The following BBS9 variants were observed in gnomAD, a reference collection of about 807,000 sequenced individuals.
The protein encoded by BBS9 is protein PTHB1.
A neutral mutation model predicts 117.7 loss-of-function variants in BBS9; 89 were observed. The ratio of observed to expected loss-of-function variants is 0.76; its 90% CI spans 0.64 to 0.90. The LOEUF (loss-of-function observed/expected upper bound fraction) is 0.90. Ranked by LOEUF, BBS9 falls within the 40% of genes least tolerant of loss-of-function variation. The pLI, the probability that BBS9 is intolerant of heterozygous loss-of-function variation, is 0.00. For synonymous variants in BBS9, 379 were observed against 370.9 expected (o/e 1.02, Z -0.25); for missense variants, 982 against 1,042.2 (o/e 0.94, Z 0.80).
At chr7:33,440,536 G>C (rs976912040) in intron 19 of BBS9, among the ~76,000 whole-genome samples, 2 of 152,180 alleles carry the variant, frequency 1.3e-5, no homozygotes, top group African/African-American at 2.4e-5. Flanking sequence ...GGAAGGTCAT[G>C]GGCCACAGCT....
chr7:33,479,250 T>G (rs1447524699), intron 19 of BBS9, among the ~76,000 whole-genome samples: 3 of 152,120 alleles, frequency 2.0e-5, no homozygotes, highest in Non-Finnish European at 2.9e-5. Context: ...CCTCCTTCCC[T>G]CCCACCTTTA....
At chr7:33,507,396 A>G (rs1846298520) in intron 20 of BBS9, among the ~76,000 whole-genome samples, 1 of 151,996 alleles carries the variant, frequency 6.6e-6, no homozygotes, top group Non-Finnish European at 1.5e-5. Context: ...GCGTGCCACC[A>G]TGCCTAACTA....
At chr7:33,563,268 A>G (rs564734304) in intron 21 of BBS9, among the ~76,000 whole-genome samples, 1 of 152,296 alleles carries the variant, frequency 6.6e-6, no homozygotes, top group African/African-American at 2.4e-5. Flanking sequence ...ACATCTATGC[A>G]TTTCACTTCA....
chr7:33,626,269 C>T (rs1865631868), intron 21 of BBS9, among the ~76,000 whole-genome samples: 1 of 152,222 alleles, frequency 6.6e-6, no homozygotes. Flanking sequence ...CCTCCCCAGC[C>T]CTGCTTCCTG....
chr7:33,619,601 G>A (rs986716550), intron 21 of BBS9, among the ~76,000 whole-genome samples: 15 of 152,142 alleles, frequency 9.9e-5, no homozygotes, highest in Non-Finnish European at 2.1e-4. Flanking sequence ...TAGATCATAT[G>A]TTAGGTCACA....
At chr7:33,217,727 G>A (rs1233664408) in intron 5 of BBS9, among the ~76,000 whole-genome samples, 3 of 152,206 alleles carry the variant, frequency 2.0e-5, no homozygotes, top group African/African-American at 7.2e-5. Flanking sequence ...TTGAGGCATG[G>A]ACTGGAAACC....
In BBS9 at chr7:33,333,618, A is replaced by G. The variant is rs544703212; in HGVS notation, c.1017-2823A>G. ...ATAAAAATAAACAAACTAAGCTATA[A>G]TGTCTTTTTTTTTTTGAGACCGAGT... On this transcript the variant is annotated intron_variant, in intron 9 of 22. Coordinates refer to ENST00000242067, the MANE Select transcript of BBS9 (RefSeq NM_198428.3). Among the ~76,000 whole-genome samples, 95 of 151,958 alleles carry G rather than the reference A, an allele frequency of 6.3e-4. 1 individual carries two copies. The South Asian group carries it at 0.014, about 22-fold the overall frequency.
rs138176833 is a variant in BBS9 at position 33,358,171 on chromosome 7, A to G, written c.1693+176A>G. On this transcript the variant is annotated intron_variant, in intron 16 of 22. Coordinates refer to ENST00000242067, the MANE Select transcript of BBS9 (RefSeq NM_198428.3). Reference sequence around the variant, plus strand: ...GTTCAAAGGTGAATAGCTTATATCAACAAGGTAATAAGGTATTCCTTTTAA... The same window carrying G: ...GTTCAAAGGTGAATAGCTTATATCAGCAAGGTAATAAGGTATTCCTTTTAA... Among the ~76,000 whole-genome samples, 181 of 151,978 alleles carry G rather than the reference A, an allele frequency of 1.2e-3. 1 individual carries two copies. The highest frequency in any genetic ancestry group is 3.4e-3 in the Middle Eastern group (1 of 294).
Position 33,196,205 on chromosome 7 carries a change from T to TA in BBS9, c.442+18623dup, listed in dbSNP as rs993262487. Among the ~76,000 whole-genome samples the TA allele has an allele frequency of 4.6e-5, 7 of 151,286 alleles. No homozygotes were observed. In the East Asian group the frequency reaches 5.8e-4, roughly 13 times the overall value. On this transcript the variant is annotated intron_variant, in intron 5 of 22. Coordinates refer to ENST00000242067, the MANE Select transcript of BBS9 (RefSeq NM_198428.3). ...CTTTTTAATTTTTATTTTAAAAAAT[T>TA]AAAAAAAAAGCATCCTTCCCACTCT...
At chr7:33,500,223 C>G (rs539115441) in intron 19 of BBS9, among the ~76,000 whole-genome samples, 1 of 152,314 alleles carries the variant, frequency 6.6e-6, no homozygotes, top group African/African-American at 2.4e-5. Context: ...GCACATATGC[C>G]TATCGTGGAT....
In BBS9 at chr7:33,480,454, G is replaced by C. The variant is rs549837557; in HGVS notation, c.2116-25009G>C. ...TAGAGTAAGTTTTGAAATGAATAGCGTAGGTAATAAATAAATGGCAGAGGA... is the reference window on the plus strand; with the variant it reads ...TAGAGTAAGTTTTGAAATGAATAGCCTAGGTAATAAATAAATGGCAGAGGA... On this transcript the variant is annotated intron_variant, in intron 19 of 22. Transcript: ENST00000242067. Among the ~76,000 whole-genome samples, 8 of 152,242 alleles carry C rather than the reference G, an allele frequency of 5.3e-5. No individual in the cohort carries two copies. In the East Asian group the frequency reaches 1.5e-3, roughly 29 times the overall value.
intron 5 of BBS9, among the ~76,000 whole-genome samples, chr7:33,193,497 G>A (rs1156874369): frequency 1.4e-5 from 2 of 146,994 alleles, no homozygotes; most frequent in Non-Finnish European, 3.0e-5. Flanking sequence ...GAGCAATCAA[G>A]CTTAGCTTGG....
chr7:33,618,760 A>G (rs1465671563), intron 21 of BBS9, among the ~76,000 whole-genome samples: 3 of 152,154 alleles, frequency 2.0e-5, no homozygotes, highest in Admixed American at 2.0e-4. Flanking sequence ...ATCATATGCA[A>G]GTGAAGTTCT....
At chr7:33,376,260 A>G (rs1433830111) in intron 17 of BBS9, among the ~76,000 whole-genome samples, 1 of 151,788 alleles carries the variant, frequency 6.6e-6, no homozygotes, top group Non-Finnish European at 1.5e-5. Context: ...TTTAGCTCCT[A>G]CTTATAAGTG....
intron 4 of BBS9, among the ~76,000 whole-genome samples, chr7:33,164,276 G>A (rs1795317353): frequency 6.6e-6 from 1 of 152,180 alleles, no homozygotes; most frequent in Admixed American, 6.5e-5. Flanking sequence ...TTGAATAAGT[G>A]CGATGTGGTG....
intron 19 of BBS9, among the ~76,000 whole-genome samples, chr7:33,451,342 G>T (rs1563194921): frequency 1.3e-5 from 2 of 152,064 alleles, no homozygotes; most frequent in Admixed American, 1.3e-4. Context: ...TTATGTTTCA[G>T]CCTTTAATCC....
chr7:33,602,232 A>G (rs1056461943), intron 21 of BBS9, among the ~76,000 whole-genome samples: 2 of 152,088 alleles, frequency 1.3e-5, no homozygotes, highest in Non-Finnish European at 2.9e-5. Context: ...CGAGGCCTAC[A>G]GAAGAGAACT....
chr7:33,424,954 A>AT (rs1833436967), intron 19 of BBS9, among the ~76,000 whole-genome samples: 1 of 152,168 alleles, frequency 6.6e-6, no homozygotes, highest in South Asian at 2.1e-4. Flanking sequence ...TTGGATATAA[A>AT]TTAATATTTT....
At chr7:33,575,254 A>G (rs1376826133) in intron 21 of BBS9, among the ~76,000 whole-genome samples, 1 of 152,206 alleles carries the variant, frequency 6.6e-6, no homozygotes, top group Admixed American at 6.6e-5. Flanking sequence ...TGGTGTTCTC[A>G]TGGGTTCAAT....
Sources: allele counts gnomAD v4.1 joint callset (sites outside exome capture counted in the v4.1 genomes callset), GRCh38; gene constraint gnomAD v4.1.1; transcripts MANE v1.5; gene names NCBI Gene and HGNC (gene_info 2026-07-23, HGNC 2026-07-21).